Variants in RABEP1 observed in about 807,000 individuals in gnomAD.
RABEP1 encodes rab GTPase-binding effector protein 1.
RABEP1 carries 51 observed loss-of-function variants against 123.4 expected under a neutral mutation model. The observed-to-expected ratio is 0.41, with a 90% CI of 0.33 to 0.52. The LOEUF (loss-of-function observed/expected upper bound fraction) is 0.52, where lower values mean the gene tolerates loss of function less well. Among genes scored for constraint, RABEP1 ranks in the 20% least tolerant of loss-of-function variants. RABEP1 has a pLI of 0.16. For synonymous variants in RABEP1, 347 were observed against 355.2 expected (o/e 0.98, Z 0.26); for missense variants, 888 against 996.3 (o/e 0.89, Z 1.46).
At chr17:5,325,511 A>C (rs1451724513) in intron 2 of RABEP1, among the ~76,000 whole-genome samples, 1 of 152,128 alleles carries the variant, frequency 6.6e-6, no homozygotes. Flanking sequence ...TGGTGGTACG[A>C]AGGTCAGGGA....
At chr17:5,323,193 G>A (rs907302808) in intron 2 of RABEP1, among the ~76,000 whole-genome samples, 13 of 152,034 alleles carry the variant, frequency 8.6e-5, no homozygotes, top group African/African-American at 2.2e-4. Flanking sequence ...ATTGTGTGTC[G>A]AAGGAACATA....
chr17:5,368,315 A>G, intron 11 of RABEP1, 55 bp from the exon 12 acceptor site: 3 of 1,181,078 alleles, frequency 2.5e-6, no homozygotes, highest in Non-Finnish European at 3.7e-6. Context: ...TGGAAGAGTT[A>G]GTTTCAGAAT....
chr17:5,306,187 T>C (rs1017791573), intron 1 of RABEP1, among the ~76,000 whole-genome samples: 11 of 152,320 alleles, frequency 7.2e-5, no homozygotes, highest in Middle Eastern at 3.4e-3. Flanking sequence ...ATGCTTATAT[T>C]AGCCTGCAGC....
At chr17:5,302,768 T>C in intron 1 of RABEP1, among the ~76,000 whole-genome samples, 1 of 152,008 alleles carries the variant, frequency 6.6e-6, no homozygotes, top group East Asian at 1.9e-4. Context: ...CCTCAAGCAG[T>C]CCTCCCACCT....
chr17:5,380,107 C>T (rs549519295), intron 15 of RABEP1, among the ~76,000 whole-genome samples: 1 of 152,334 alleles, frequency 6.6e-6, no homozygotes, highest in South Asian at 2.1e-4. Context: ...ATGCTTCTTT[C>T]TTCATCCTTT....
chr17:5,320,443 A>G (rs946458198), intron 2 of RABEP1, among the ~76,000 whole-genome samples: 2 of 141,000 alleles, frequency 1.4e-5, no homozygotes, highest in African/African-American at 2.8e-5. Context: ...AAAAAAAAAA[A>G]AGAAAAAGAA....
chr17:5,358,446 G>A (rs539784786), intron 8 of RABEP1, among the ~76,000 whole-genome samples: 44 of 152,152 alleles, frequency 2.9e-4, no homozygotes, highest in African/African-American at 9.4e-4. Context: ...TGAGACAGGC[G>A]GATCATTCGA....
chr17:5,352,987 G>C (rs72836402), intron 7 of RABEP1, among the ~76,000 whole-genome samples: 10,527 of 152,256 alleles, frequency 0.069, 507 homozygotes, highest in East Asian at 0.17. Flanking sequence ...TCCATAAGCA[G>C]TAGGGACTAC....
At position 5,368,466 on chromosome 17, in the gene RABEP1, A is replaced by G; in HGVS notation, c.1882A>G (p.Met628Val). The G allele has an allele frequency of 4.4e-6, 7 of 1,608,174 alleles. No homozygotes were observed. The highest frequency in any genetic ancestry group is 6.0e-6 in the Non-Finnish European group (7 of 1,175,070). ...GGCAAAGAGGGATGTTCAGGAACAG[A>G]TGGTAAGTTTACATTTTAAGTAAAT... ...SQAKRDVQEQ[M>V]AVLMQSREQV... The change falls in exon 12 of 18, where the codon ATG becomes GTG. Residue 628 changes from methionine to valine, a missense_variant and splice_region_variant. Transcript: ENST00000537505.
intron 12 of RABEP1, among the ~76,000 whole-genome samples, chr17:5,370,156 GAA>G (rs1401823442): frequency 6.6e-6 from 1 of 152,200 alleles, no homozygotes; most frequent in Non-Finnish European, 1.5e-5. Flanking sequence ...TTACCATAAA[GAA>G]GAGAAACTCA....
Position 5,282,425 on chromosome 17 carries a change from C to T in RABEP1, c.-62C>T, listed in dbSNP as rs1283473384. On this transcript the variant is annotated 5_prime_UTR_variant, in exon 1 of 18. Coordinates refer to ENST00000537505, the MANE Select transcript of RABEP1 (RefSeq NM_004703.6). ...TGACGCCTCCTCCGCCAGCTGAGCC[C>T]GCGGGAGCCCAGGACGCCGCTTCCC... 5 of 1,262,766 alleles carry T rather than the reference C, an allele frequency of 4.0e-6. No individual in the cohort carries two copies. Among genetic ancestry groups the T allele is most frequent in the Non-Finnish European group, 5.2e-6 (5 of 963,676 alleles). The allele number at this position is 1,262,766 out of a possible 1,614,324, so 78.2% of individuals were successfully genotyped here. A position where few individuals can be genotyped will look rare whatever the true frequency, so the allele number is the denominator to read the frequency against.
chr17:5,316,573 C>A (rs995825413), intron 2 of RABEP1, among the ~76,000 whole-genome samples: 8 of 151,168 alleles, frequency 5.3e-5, no homozygotes, highest in African/African-American at 1.9e-4. Flanking sequence ...TGACTCATGC[C>A]TATAATCCCA....
At chr17:5,291,776 G>A (rs1454320279) in intron 1 of RABEP1, among the ~76,000 whole-genome samples, 1 of 152,084 alleles carries the variant, frequency 6.6e-6, no homozygotes, top group African/African-American at 2.4e-5. Flanking sequence ...GATGGTGTGC[G>A]CCTGTAATCC....
chr17:5,309,703 A>T (rs2075217192), intron 2 of RABEP1, among the ~76,000 whole-genome samples: 1 of 151,950 alleles, frequency 6.6e-6, no homozygotes, highest in African/African-American at 2.4e-5. Flanking sequence ...AATACATGAG[A>T]GAACATGTTG....
intron 10 of RABEP1, among the ~76,000 whole-genome samples, chr17:5,364,779 A>G (rs1909873485): frequency 1.3e-5 from 2 of 151,946 alleles, no homozygotes; most frequent in South Asian, 2.1e-4. Flanking sequence ...TAGGGAAATT[A>G]TATTATTTCA....
intron 17 of RABEP1, among the ~76,000 whole-genome samples, chr17:5,382,083 ATTTTTTT>A (rs58178661): frequency 2.1e-5 from 3 of 143,084 alleles, no homozygotes; most frequent in Non-Finnish European, 4.6e-5. Context: ...GGAACTTCGG[ATTTTTTT>A]TTTTTTTTGG....
At chr17:5,362,761 A>C in intron 9 of RABEP1, 151 bp from the exon 10 acceptor site, 2 of 602,462 alleles carry the variant, frequency 3.3e-6, no homozygotes, top group Non-Finnish European at 3.0e-6. Context: ...TTAGAATCTG[A>C]CCCTATATTG....
chr17:5,381,619 C>T (rs1911463341), intron 17 of RABEP1, 114 bp downstream of exon 17: 1 of 1,439,994 alleles, frequency 6.9e-7, no homozygotes, highest in Non-Finnish European at 9.2e-7. Context: ...ACTGGCTGCT[C>T]CTACCTCCAC....
intron 2 of RABEP1, among the ~76,000 whole-genome samples, chr17:5,321,989 A>T (rs1304101646): frequency 6.6e-6 from 1 of 152,246 alleles, no homozygotes; most frequent in Admixed American, 6.5e-5. Flanking sequence ...ACCTGAGGTC[A>T]GGCATTCAAG....
Sources: allele counts gnomAD v4.1 joint callset (sites outside exome capture counted in the v4.1 genomes callset), GRCh38; gene constraint gnomAD v4.1.1; transcripts MANE v1.5; gene names NCBI Gene and HGNC (gene_info 2026-07-23, HGNC 2026-07-21).